The following SCAPER variants were observed in gnomAD, a reference collection of about 807,000 sequenced individuals.
SCAPER encodes the protein S phase cyclin A-associated protein in the endoplasmic reticulum.
SCAPER carries 98 observed loss-of-function variants against 182.2 expected under a neutral mutation model. That is an observed-to-expected ratio of 0.54 (90% CI 0.46 to 0.64). The LOEUF is 0.64. Among genes scored for constraint, SCAPER ranks in the 30% least tolerant of loss-of-function variants. The pLI is 0.00. For synonymous variants in SCAPER, 605 were observed against 564.6 expected (o/e 1.07, Z -1.01); for missense variants, 1,432 against 1,690.0 (o/e 0.85, Z 2.68).
rs1012189825 is a variant in SCAPER, at chr15:76,841,591, G to A, written c.393+143C>T. 1.7e-5 allele frequency: 13 copies of A among 784,330 alleles called. No individual in the cohort carries two copies. In the African/African-American group the frequency reaches 1.9e-4, roughly 12 times the overall value. The allele number at this position is 784,330 out of a possible 1,614,324, so 48.6% of individuals were successfully genotyped here. A position where few individuals can be genotyped will look rare whatever the true frequency, so the allele number is the denominator to read the frequency against. The stretch of plus-strand genomic sequence containing the variant: ...GAACCTGGGAGGCAGAGGTTGTAAT[G>A]AGCCAAGATCGCGTCACTACACTCC... On this transcript the variant is annotated intron_variant, in intron 5 of 31. Transcript: ENST00000563290.
chr15:76,797,710 T>C (rs1169514749), intron 7 of SCAPER: 3 of 152,208 alleles, frequency 2.0e-5, no homozygotes, highest in East Asian at 1.9e-4. Flanking sequence ...TTAGGTGATG[T>C]TGACAAAACA....
chr15:76,377,349 C>T (rs2042641041), intron 28 of SCAPER, among the ~76,000 whole-genome samples: 1 of 151,814 alleles, frequency 6.6e-6, no homozygotes, highest in Admixed American at 6.6e-5. Context: ...TTCAGAAGGA[C>T]TTTGCTCCTT....
chr15:76,864,582 T>C (rs1272617596), intron 2 of SCAPER, among the ~76,000 whole-genome samples: 2 of 152,044 alleles, frequency 1.3e-5, no homozygotes, highest in Non-Finnish European at 2.9e-5. Flanking sequence ...TACATTATTT[T>C]CAAATGAAGG....
At position 76,686,160 on chromosome 15, in the gene SCAPER, C is replaced by T. The variant is rs576522539; in HGVS notation, c.2508+15598G>A. On this transcript the variant is annotated intron_variant, in intron 20 of 31. Coordinates refer to ENST00000563290, the MANE Select transcript of SCAPER (RefSeq NM_020843.4). ...AACTGTTATAGATATTTCCAATATA[C>T]ATAACTAATAAAAAACTAGTAACAA... is the stretch of plus-strand genomic sequence containing the variant. Among the ~76,000 whole-genome samples the T allele has an allele frequency of 5.5e-4, 83 of 151,642 alleles. 1 individual carries two copies. The South Asian group carries it at 9.8e-3, about 18-fold the overall frequency.
chr15:76,691,508 A>G (rs1051093369), intron 20 of SCAPER, among the ~76,000 whole-genome samples: 1 of 152,158 alleles, frequency 6.6e-6, no homozygotes, highest in Non-Finnish European at 1.5e-5. Context: ...ATAGAGAAAT[A>G]TGGCAATTTT....
chr15:76,806,737 T>C (rs1381970521), intron 5 of SCAPER, among the ~76,000 whole-genome samples: 1 of 152,222 alleles, frequency 6.6e-6, no homozygotes, highest in Non-Finnish European at 1.5e-5. Context: ...TTTTTCGTAG[T>C]TTCTTTCAAT....
chr15:76,399,051 T>A (rs2044273593), intron 27 of SCAPER, among the ~76,000 whole-genome samples: 3 of 152,202 alleles, frequency 2.0e-5, no homozygotes, highest in Admixed American at 2.0e-4. Context: ...GCAATTGAGC[T>A]CCTGCCCTGA....
At chr15:76,480,306 G>C (rs1158832697) in intron 24 of SCAPER, among the ~76,000 whole-genome samples, 2 of 152,134 alleles carry the variant, frequency 1.3e-5, no homozygotes, top group African/African-American at 2.4e-5. Context: ...TCTTTATAAA[G>C]CTCCAAATTA....
At chr15:76,617,394 T>A (rs939098996) in intron 22 of SCAPER, among the ~76,000 whole-genome samples, 27 of 152,226 alleles carry the variant, frequency 1.8e-4, no homozygotes, top group African/African-American at 5.8e-4. Flanking sequence ...ACCTTTGTCG[T>A]TGCATCAGTA....
chr15:76,417,925 G>A (rs2045766903), intron 26 of SCAPER, among the ~76,000 whole-genome samples: 1 of 152,164 alleles, frequency 6.6e-6, no homozygotes, highest in Non-Finnish European at 1.5e-5. Context: ...GGCTGAGGCA[G>A]GAGAATGGCT....
At chr15:76,826,718 G>A (rs564405366) in intron 5 of SCAPER, among the ~76,000 whole-genome samples, 1 of 152,310 alleles carries the variant, frequency 6.6e-6, no homozygotes, top group East Asian at 1.9e-4. Context: ...AAATCAACAT[G>A]ATGTGTTTGA....
chr15:76,713,157 A>C (rs2059684280), intron 17 of SCAPER, among the ~76,000 whole-genome samples: 1 of 152,172 alleles, frequency 6.6e-6, no homozygotes, highest in South Asian at 2.1e-4. Flanking sequence ...GTGGAGAAAT[A>C]GGAACACTTT....
chr15:76,900,657 G>A (rs1483539714), intron 1 of SCAPER, among the ~76,000 whole-genome samples: 1 of 152,130 alleles, frequency 6.6e-6, no homozygotes, highest in East Asian at 1.9e-4. Flanking sequence ...AAGAATCCTA[G>A]AGATGGAAAT....
At chr15:76,653,891 C>T (rs1022463967) in intron 21 of SCAPER, among the ~76,000 whole-genome samples, 4 of 152,018 alleles carry the variant, frequency 2.6e-5, no homozygotes, top group Non-Finnish European at 5.9e-5. Context: ...TTCTGCACAT[C>T]AAAATAAACT....
At chr15:76,723,536 A>C (rs570684451) in intron 17 of SCAPER, among the ~76,000 whole-genome samples, 57 of 152,204 alleles carry the variant, frequency 3.7e-4, no homozygotes, top group African/African-American at 1.3e-3. Context: ...TGGGGTGTTA[A>C]AGTCTCCCAT....
intron 25 of SCAPER, among the ~76,000 whole-genome samples, chr15:76,451,220 C>T (rs897846086): frequency 6.6e-6 from 1 of 152,158 alleles, no homozygotes; most frequent in South Asian, 2.1e-4. Context: ...CTTTTTATTG[C>T]TAAATATTCC....
intron 2 of SCAPER, among the ~76,000 whole-genome samples, chr15:76,865,516 G>A (rs2072217635): frequency 6.6e-6 from 1 of 152,084 alleles, no homozygotes; most frequent in Admixed American, 6.5e-5. Flanking sequence ...CGTCATAAAG[G>A]AGAACAAAGA....
chr15:76,862,323 TCTAATTGCAAACAG>T, intron 3 of SCAPER, 79 bp downstream of exon 3: 2 of 706,808 alleles, frequency 2.8e-6, no homozygotes, highest in Non-Finnish European at 2.4e-6. Context: ...GCCCTAGAAG[TCTAATTGCAAACAG>T]TTTTCAGTCT....
chr15:76,589,464 G>T (rs558822983), intron 22 of SCAPER, among the ~76,000 whole-genome samples: 46 of 152,180 alleles, frequency 3.0e-4, no homozygotes, highest in African/African-American at 1.1e-3. Flanking sequence ...CAGGGAAGTG[G>T]GGAAAAGCTG....
Sources: allele counts gnomAD v4.1 joint callset (sites outside exome capture counted in the v4.1 genomes callset), GRCh38; gene constraint gnomAD v4.1.1; transcripts MANE v1.5; gene names NCBI Gene and HGNC (gene_info 2026-07-23, HGNC 2026-07-21).